Variants in PRKDC observed in about 807,000 individuals in gnomAD.
PRKDC encodes the protein protein kinase, DNA-activated, catalytic subunit.
A neutral mutation model predicts 486.9 loss-of-function variants in PRKDC; 82 were observed. That is an observed-to-expected ratio of 0.17 (90% CI 0.14 to 0.20). PRKDC has a LOEUF of 0.20. Ranked by LOEUF, PRKDC falls within the 10% of genes least tolerant of loss-of-function variation. The pLI is 1.00. For synonymous variants in PRKDC, 1,895 were observed against 1,837.0 expected (o/e 1.03, Z -0.81); for missense variants, 4,504 against 5,038.2 (o/e 0.89, Z 3.21).
intron 40 of PRKDC, among the ~76,000 whole-genome samples, chr8:47,867,294 C>G (rs935596793): frequency 6.6e-6 from 1 of 152,070 alleles, no homozygotes; most frequent in African/African-American, 2.4e-5. Context: ...TGAATTGCAG[C>G]TCATTATATA....
chr8:47,796,279 T>C (rs2086983868), intron 73 of PRKDC, among the ~76,000 whole-genome samples: 1 of 151,726 alleles, frequency 6.6e-6, no homozygotes, highest in South Asian at 2.1e-4. Flanking sequence ...TTAAAATCAC[T>C]GTCGAGCCGA....
intron 30 of PRKDC, among the ~76,000 whole-genome samples, chr8:47,894,755 A>G (rs2089541275): frequency 6.6e-6 from 1 of 152,178 alleles, no homozygotes; most frequent in African/African-American, 2.4e-5. Flanking sequence ...CTAAAGAGAC[A>G]CCTGACACAG....
At chr8:47,957,137 T>A (rs779184015) in intron 3 of PRKDC, 34 bp downstream of exon 3, 7 of 1,347,254 alleles carry the variant, frequency 5.2e-6, no homozygotes, top group Non-Finnish European at 6.2e-6. Flanking sequence ...GATGTTGATA[T>A]ATAATGTAAT....
In PRKDC at chr8:47,889,001, C is replaced by A. The variant is rs1252539119; in HGVS notation, c.4280+13G>T. 3.7e-6 allele frequency: 6 copies of A among 1,610,678 alleles called. No individual in the cohort carries two copies. The African/African-American group carries it at 8.0e-5, about 22-fold the overall frequency. On this transcript the variant is annotated intron_variant, in intron 33 of 85. Coordinates refer to ENST00000314191, the MANE Select transcript of PRKDC (RefSeq NM_006904.7). ...CAGGACAACATGTCCCCGATTGTGA[C>A]CCAAGTACCCACCTCTGTGCTGTTA...
chr8:47,830,930 A>T (rs187492470), intron 60 of PRKDC, among the ~76,000 whole-genome samples, 194 bp from the exon 61 acceptor site: 1 of 152,232 alleles, frequency 6.6e-6, no homozygotes, highest in Admixed American at 6.5e-5. Context: ...ACTACACAAC[A>T]AGCAGTGGAA....
At position 47,949,097 on chromosome 8, in the gene PRKDC, C is replaced by A. The variant is rs549149306; in HGVS notation, c.721+4523G>T. On this transcript the variant is annotated intron_variant, in intron 7 of 85. Coordinates refer to ENST00000314191, the MANE Select transcript of PRKDC (RefSeq NM_006904.7). ...TTCTCACTTCTCCAGCCTCCAGAGGCACCCCCATGCCTTGGCTCCTGCCGC... is the reference window on the plus strand; with the variant it reads ...TTCTCACTTCTCCAGCCTCCAGAGGAACCCCCATGCCTTGGCTCCTGCCGC... Among the ~76,000 whole-genome samples the A allele has an allele frequency of 5.9e-5, 9 of 152,338 alleles. No individual in the cohort carries two copies. In the East Asian group the frequency reaches 1.7e-3, roughly 29 times the overall value.
At chr8:47,817,359 C>T (rs1315311245) in intron 68 of PRKDC, 91 bp downstream of exon 68, 1 of 934,434 alleles carries the variant, frequency 1.1e-6, no homozygotes, top group Non-Finnish European at 1.6e-6. Context: ...GGCTCAAATC[C>T]CACATTTCTC....
At chr8:47,917,866 TTG>T (rs558749821) in intron 22 of PRKDC, among the ~76,000 whole-genome samples, 50 of 152,200 alleles carry the variant, frequency 3.3e-4, no homozygotes, top group Non-Finnish European at 5.6e-4. Context: ...TTAATTTTTT[TTG>T]TCAGGCCACT....
chr8:47,957,113 C>A, intron 3 of PRKDC, 58 bp downstream of exon 3: 1 of 1,179,412 alleles, frequency 8.5e-7, no homozygotes, highest in Non-Finnish European at 1.2e-6. Flanking sequence ...TTCCTCACAC[C>A]ATAAGTTAAA....
At chr8:47,938,814 G>A (rs899455212) in intron 11 of PRKDC, among the ~76,000 whole-genome samples, 1 of 152,110 alleles carries the variant, frequency 6.6e-6, no homozygotes, top group Admixed American at 6.6e-5. Context: ...TGCCCGCCTC[G>A]GCCTCCCAAA....
chr8:47,933,466 C>T (rs1243825410), intron 15 of PRKDC, among the ~76,000 whole-genome samples: 1 of 152,116 alleles, frequency 6.6e-6, no homozygotes, highest in Non-Finnish European at 1.5e-5. Flanking sequence ...AGCATTTACC[C>T]CAATTAATCT....
Position 47,777,707 on chromosome 8 carries a change from C to T in PRKDC, c.12021G>A (p.Lys4007=). ...CTACTTTCCAATCAAAGGAGGGCTCCTTGACAAACACATCCATGGTGTTGG... is the reference window on the plus strand; with the variant it reads ...CTACTTTCCAATCAAAGGAGGGCTCTTTGACAAACACATCCATGGTGTTGG... ...LLTNTMDVFV[K]EPSFDWKNFE... is the part of the protein sequence containing the mutation. The change falls in exon 84 of 86, where the codon AAG becomes AAA. Residue 4007 remains lysine, a synonymous_variant. Coordinates refer to ENST00000314191, the MANE Select transcript of PRKDC (RefSeq NM_006904.7). 6.3e-7 allele frequency: 1 copy of T among 1,591,640 alleles called. No homozygotes were observed. The highest frequency in any genetic ancestry group is 1.1e-5 in the South Asian group (1 of 88,744).
chr8:47,836,049 C>T (rs570966093), intron 58 of PRKDC, among the ~76,000 whole-genome samples: 43 of 152,248 alleles, frequency 2.8e-4, no homozygotes, highest in African/African-American at 8.9e-4. Context: ...AGTCACTGCA[C>T]CCTGCCTCCA....
intron 69 of PRKDC, among the ~76,000 whole-genome samples, chr8:47,803,933 CAA>C (rs58802347): frequency 7.1e-6 from 1 of 141,530 alleles, no homozygotes; most frequent in Non-Finnish European, 1.5e-5. Flanking sequence ...AGCAAGTCTC[CAA>C]AAAAAAAAAA....
intron 71 of PRKDC, 99 bp from the exon 72 acceptor site, chr8:47,799,489 G>A (rs2087053687): frequency 1.7e-6 from 2 of 1,151,108 alleles, no homozygotes; most frequent in Non-Finnish European, 2.3e-6. Flanking sequence ...TGGATCAACA[G>A]CTCCAAAATA....
Position 47,837,273 on chromosome 8 carries a change from C to A in PRKDC, c.7700G>T (p.Ser2567Ile). Residue 2567 changes from serine to isoleucine, a missense_variant, in exon 57 of 86, where the codon AGC becomes ATC. Ser to Ile is a moderately radical substitution (Grantham distance 142). Transcript: ENST00000314191. ...GGGGTTTGGATAATCTGGGCTCATGCTGGTCATTTCGAGCAGAAAATTTGT... is the reference window on the plus strand; with the variant it reads ...GGGGTTTGGATAATCTGGGCTCATGATGGTCATTTCGAGCAGAAAATTTGT... ...LATNFLLEMTSMSPDYPNPMF... is the reference protein window; with the variant it reads ...LATNFLLEMTIMSPDYPNPMF... 6.2e-7 allele frequency: 1 copy of A among 1,613,882 alleles called. No homozygotes were observed. Among genetic ancestry groups the A allele is most frequent in the South Asian group, 1.1e-5 (1 of 91,040 alleles).
chr8:47,839,016 T>C (rs1004508376), intron 56 of PRKDC, 132 bp downstream of exon 56: 20 of 675,076 alleles, frequency 3.0e-5, no homozygotes, highest in Non-Finnish European at 4.3e-5. Context: ...TTACTAAATA[T>C]TGTGAAATGC....
chr8:47,884,227 AC>A (rs2089282162), intron 36 of PRKDC, among the ~76,000 whole-genome samples: 2 of 152,066 alleles, frequency 1.3e-5, no homozygotes, highest in South Asian at 4.1e-4. Context: ...GGAGGATCAG[AC>A]CCCCAGCAGC....
At chr8:47,813,923 A>G (rs2087387039) in intron 68 of PRKDC, among the ~76,000 whole-genome samples, 2 of 152,168 alleles carry the variant, frequency 1.3e-5, no homozygotes, top group African/African-American at 4.8e-5. Context: ...TCATCTTATG[A>G]GGCCATGATA....
Sources: allele counts gnomAD v4.1 joint callset (sites outside exome capture counted in the v4.1 genomes callset), GRCh38; gene constraint gnomAD v4.1.1; transcripts MANE v1.5; gene names NCBI Gene and HGNC (gene_info 2026-07-23, HGNC 2026-07-21).